Variants in NEBL observed in about 807,000 individuals in gnomAD.
NEBL encodes the protein LIM and SH3 protein 2.
Under a neutral mutation model 140.2 loss-of-function variants are expected in NEBL, and 122 were observed. That is an observed-to-expected ratio of 0.87 (90% CI 0.75 to 1.01). The LOEUF (loss-of-function observed/expected upper bound fraction) is 1.01, where lower values mean the gene tolerates loss of function less well. Among genes scored for constraint, NEBL ranks in the 50% least tolerant of loss-of-function variants. The pLI, the probability that NEBL is intolerant of heterozygous loss-of-function variation, is 0.00. For missense variants in NEBL, 1,365 were observed against 1,231.3 expected (o/e 1.11, Z -1.62); for synonymous variants, 436 against 398.9 (o/e 1.09, Z -1.11).
chr10:20,915,027 T>C (rs998883320), intron 4 of NEBL, among the ~76,000 whole-genome samples: 7 of 140,998 alleles, frequency 5.0e-5, no homozygotes, highest in Non-Finnish European at 9.1e-5. Context: ...GGTCTCAAAC[T>C]CCTGACCTCA....
At chr10:21,072,864 A>G (rs926453942) in intron 2 of NEBL, among the ~76,000 whole-genome samples, 5 of 152,178 alleles carry the variant, frequency 3.3e-5, no homozygotes, top group African/African-American at 9.7e-5. Context: ...GGTGGCAGGC[A>G]CCTGCAATCC....
chr10:21,117,175 A>T (rs912147726), intron 2 of NEBL, among the ~76,000 whole-genome samples: 1 of 151,942 alleles, frequency 6.6e-6, no homozygotes, highest in Non-Finnish European at 1.5e-5. Flanking sequence ...ATTTGGCTCC[A>T]CCATGAGACC....
intron 2 of NEBL, among the ~76,000 whole-genome samples, chr10:21,033,409 A>G (rs1351854362): frequency 6.6e-6 from 1 of 152,236 alleles, no homozygotes; most frequent in African/African-American, 2.4e-5. Context: ...AAACCATAAA[A>G]TAATTCTATT....
At chr10:21,276,656 T>C (rs879087427) in intron 1 of NEBL, among the ~76,000 whole-genome samples, 1 of 151,950 alleles carries the variant, frequency 6.6e-6, no homozygotes, top group African/African-American at 2.4e-5. Context: ...CAAAACCCCA[T>C]CTCTACAAAA....
chr10:21,012,108 G>A (rs1157564467), intron 3 of NEBL, among the ~76,000 whole-genome samples: 1 of 152,184 alleles, frequency 6.6e-6, no homozygotes, highest in African/African-American at 2.4e-5. Flanking sequence ...TGAGCCTGCA[G>A]TCAGCAGAGA....
intron 3 of NEBL, among the ~76,000 whole-genome samples, chr10:21,197,561 G>A (rs895134808): frequency 2.0e-5 from 3 of 152,062 alleles, no homozygotes; most frequent in Non-Finnish European, 4.4e-5. Context: ...GTGGGGAAGG[G>A]GAGAAACAAA....
At chr10:21,257,042 C>T (rs1459453231) in intron 1 of NEBL, among the ~76,000 whole-genome samples, 1 of 152,178 alleles carries the variant, frequency 6.6e-6, no homozygotes, top group African/African-American at 2.4e-5. Context: ...TGAAAATTAG[C>T]CATCACTGAA....
At chr10:21,185,781 A>C (rs1841459234) in intron 3 of NEBL, among the ~76,000 whole-genome samples, 1 of 152,060 alleles carries the variant, frequency 6.6e-6, no homozygotes, top group Non-Finnish European at 1.5e-5. Flanking sequence ...TACAGGCGTG[A>C]CCCACTGCGC....
chr10:20,836,136 GC>G, intron 13 of NEBL, among the ~76,000 whole-genome samples: 1 of 151,520 alleles, frequency 6.6e-6, no homozygotes. Flanking sequence ...GCCTATCGGT[GC>G]TATTTTTCCA....
intron 5 of NEBL, among the ~76,000 whole-genome samples, chr10:20,879,572 T>C (rs1845826901): frequency 6.6e-6 from 1 of 152,172 alleles, no homozygotes; most frequent in Non-Finnish European, 1.5e-5. Context: ...AAATAACAGT[T>C]GCCGTTCTGC....
chr10:21,089,683 G>T (rs1210080100), intron 2 of NEBL, among the ~76,000 whole-genome samples: 2 of 152,028 alleles, frequency 1.3e-5, no homozygotes, highest in African/African-American at 2.4e-5. Context: ...TAGGTGAATG[G>T]GAAGCGGGGA....
chr10:21,068,381 C>G (rs1332298163), intron 2 of NEBL, among the ~76,000 whole-genome samples: 1 of 152,186 alleles, frequency 6.6e-6, no homozygotes, highest in Non-Finnish European at 1.5e-5. Flanking sequence ...CTGTTTCAAC[C>G]CCTACTCCCT....
intron 2 of NEBL, among the ~76,000 whole-genome samples, chr10:21,123,724 A>AAT (rs140888177): frequency 0.016 from 2,386 of 148,804 alleles, 60 homozygotes; most frequent in African/African-American, 0.053. Context: ...ATATCATCAG[A>AAT]ATATATATAT....
intron 3 of NEBL, among the ~76,000 whole-genome samples, chr10:20,978,474 G>A (rs961380978): frequency 5.3e-5 from 8 of 151,772 alleles, no homozygotes; most frequent in Non-Finnish European, 1.0e-4. Context: ...AATTTAGAAA[G>A]GGCTGGGTGC....
intron 4 of NEBL, among the ~76,000 whole-genome samples, chr10:20,923,666 CAAAAAAAAAAAAAAAAAAA>C (rs71390799): frequency 7.1e-5 from 2 of 28,362 alleles, no homozygotes; most frequent in African/African-American, 1.2e-4. Context: ...GACTCCGTCT[CAAAAAAAAAAAAAAAAAAA>C]AAAAAAAAAA....
rs61503787 is a variant in NEBL at position 21,051,897 on chromosome 10, T to C, written c.165-31696A>G. 7.6e-3 allele frequency among the ~76,000 whole-genome samples: 1,149 copies of C among 152,094 alleles called. 20 individuals carry two copies. Among genetic ancestry groups the C allele is most frequent in the African/African-American group, 0.027 (1,108 of 41,488 alleles). ...ACTGAAAACTTCACCTATGAGGGTG[T>C]GGTGGTGTGCTGGCCTGTAGTCCCA... On this transcript the variant is annotated intron_variant, in intron 2 of 6. Coordinates refer to the NEBL transcript ENST00000417816.
intron 3 of NEBL, among the ~76,000 whole-genome samples, chr10:21,019,003 G>A (rs1025512954): frequency 1.3e-5 from 2 of 152,140 alleles, no homozygotes; most frequent in African/African-American, 4.8e-5. Context: ...CTCCAGCCTG[G>A]GCAACAGAGC....
Position 20,831,186 on chromosome 10 carries a change from C to T in NEBL, c.1671+10G>A. ...ATACACGATTCTGAGCATCTTCATT[C>T]ATGACCAACCTGGCTATAGATTTCA... On this transcript the variant is annotated intron_variant, in intron 16 of 27. Transcript: ENST00000377122. The T allele has an allele frequency of 1.3e-5, 21 of 1,588,642 alleles. No individual in the cohort carries two copies. Among genetic ancestry groups the T allele is most frequent in the Non-Finnish European group, 1.7e-5 (20 of 1,157,420 alleles).
In NEBL at chr10:20,787,943, A is replaced by G. The variant is rs116985638; in HGVS notation, c.2762-635T>C. Among the ~76,000 whole-genome samples the G allele has an allele frequency of 2.0e-3, 309 of 152,342 alleles. 8 individuals are homozygous for G. In the East Asian group the frequency reaches 0.05, roughly 25 times the overall value. On this transcript the variant is annotated intron_variant, in intron 26 of 27. Transcript: ENST00000377122. ...ACTAAATAAGTCAGCTAAATACGTT[A>G]CAAAAGCCTGAGAAACCAAATCCTT... is the stretch of plus-strand genomic sequence containing the variant.
Sources: gnomAD v4.1 joint callset for allele counts (sites outside exome capture counted in the v4.1 genomes callset) on GRCh38, gnomAD v4.1.1 for gene constraint, MANE v1.5 for transcripts, NCBI Gene and HGNC (gene_info 2026-07-23, HGNC 2026-07-21) for gene names.